COL6A5: variants seen among roughly 807,000 people sequenced by gnomAD.
COL6A5 encodes the protein collagen type VI alpha 5 chain.
In COL6A5, 48 loss-of-function variants were observed where a neutral mutation model predicts 65.6. The observed-to-expected ratio is 0.73, with a 90% CI of 0.58 to 0.93. COL6A5 has a LOEUF of 0.93. Ranked by LOEUF, COL6A5 falls within the 40% of genes least tolerant of loss-of-function variation. COL6A5 has a pLI of 0.00. For synonymous variants in COL6A5, 291 were observed against 322.8 expected (o/e 0.90, Z 1.05); for missense variants, 914 against 928.3 (o/e 0.98, Z 0.20).
At chr3:130,442,730 A>C (rs927134019) in intron 3 of COL6A5, among the ~76,000 whole-genome samples, 5 of 152,228 alleles carry the variant, frequency 3.3e-5, no homozygotes, top group Non-Finnish European at 5.9e-5. Flanking sequence ...AGTAAGTGTC[A>C]GATGCAATTA....
At chr3:130,386,156 A>G (rs1489149407) in intron 5 of COL6A5, among the ~76,000 whole-genome samples, 2 of 152,024 alleles carry the variant, frequency 1.3e-5, no homozygotes, top group Non-Finnish European at 2.9e-5. Context: ...GAAGCACATT[A>G]GTTTACTGGT....
chr3:130,379,429 A>T lies in COL6A5; in HGVS notation c.679A>T (p.Ile227Leu), dbSNP rs765940658. ...TTCTGTCTGCATAGTTCACTTCCCCATATCCTGTCAGAAAGATTCACTCGC... is the reference window on the plus strand; with the variant it reads ...TTCTGTCTGCATAGTTCACTTCCCCTTATCCTGTCAGAAAGATTCACTCGC... Residue 227 changes from isoleucine (I) to leucine (L), a missense_variant and NMD_transcript_variant, in exon 4 of 42, where the codon ATA (isoleucine) becomes TTA (leucine). Coordinates refer to the COL6A5 transcript ENST00000312481. 6.4e-6 allele frequency: 10 copies of T among 1,550,920 alleles called. No individual in the cohort carries two copies. In the South Asian group the frequency reaches 1.1e-4, roughly 17 times the overall value.
chr3:130,384,854 A>G (rs1184002252), exon 5 of COL6A5: 1 of 1,550,574 alleles, frequency 6.4e-7, no homozygotes, highest in Non-Finnish European at 8.7e-7. Context: ...TGATGGCTCA[A>G]GCAGCATCCA....
At chr3:130,437,686 G>A (rs1173075123) in intron 1 of COL6A5, among the ~76,000 whole-genome samples, 2 of 151,974 alleles carry the variant, frequency 1.3e-5, no homozygotes, top group African/African-American at 4.8e-5. Context: ...CAGACACGCT[G>A]TCTTCCCTGC....
chr3:130,376,739 G>A, exon 3 of COL6A5: 1 of 1,613,680 alleles, frequency 6.2e-7, no homozygotes, highest in African/African-American at 1.3e-5. Context: ...TCAACCTTCG[G>A]ACAATCAGAG....
intron 17 of COL6A5, among the ~76,000 whole-genome samples, chr3:130,408,241 C>T (rs1424751796): frequency 2.0e-5 from 3 of 149,574 alleles, no homozygotes; most frequent in African/African-American, 7.4e-5. Flanking sequence ...CAAGGAATCA[C>T]CCTGGGAAAA....
At chr3:130,456,004 T>C (rs566529403) in intron 5 of COL6A5, among the ~76,000 whole-genome samples, 6 of 152,124 alleles carry the variant, frequency 3.9e-5, no homozygotes, top group East Asian at 1.9e-4. Flanking sequence ...GACTTTTTTT[T>C]GGGGGGAGGA....
At chr3:130,346,958 A>G (rs1454994076) in intron 1 of COL6A5, among the ~76,000 whole-genome samples, 1 of 152,212 alleles carries the variant, frequency 6.6e-6, no homozygotes, top group Non-Finnish European at 1.5e-5. Flanking sequence ...GAATCCTGAG[A>G]TTTCATATGA....
intron 1 of COL6A5, among the ~76,000 whole-genome samples, chr3:130,346,469 C>T (rs1437487472): frequency 6.6e-6 from 1 of 152,170 alleles, no homozygotes; most frequent in East Asian, 1.9e-4. Flanking sequence ...GCATTAGATA[C>T]TGGGGTGTAT....
intron 5 of COL6A5, among the ~76,000 whole-genome samples, chr3:130,467,736 T>A (rs892251012): frequency 6.6e-6 from 1 of 152,072 alleles, no homozygotes; most frequent in Non-Finnish European, 1.5e-5. Flanking sequence ...TATATTAGGC[T>A]TACAGCATTA....
chr3:130,379,247 T>C (rs1298181647), intron 3 of COL6A5, among the ~76,000 whole-genome samples, 171 bp from the exon 4 acceptor site: 2 of 152,218 alleles, frequency 1.3e-5, no homozygotes, highest in East Asian at 3.9e-4. Flanking sequence ...TCAACGACCT[T>C]GTAAGTCTTG....
At chr3:130,471,908 A>G (rs1709962644) in intron 7 of COL6A5, 1 of 1,534,618 alleles carries the variant, frequency 6.5e-7, no homozygotes. Context: ...AGTGGTTGAT[A>G]AACAGCAAGA....
At chr3:130,397,005 G>A (rs1040787263) in intron 8 of COL6A5, among the ~76,000 whole-genome samples, 1 of 152,138 alleles carries the variant, frequency 6.6e-6, no homozygotes, top group African/African-American at 2.4e-5. Context: ...TGGGACTACA[G>A]GCGCCCGCCA....
At chr3:130,472,698 T>G (rs1709983183) in intron 7 of COL6A5, among the ~76,000 whole-genome samples, 1 of 151,716 alleles carries the variant, frequency 6.6e-6, no homozygotes, top group Non-Finnish European at 1.5e-5. Context: ...AAGCACTATT[T>G]GTGTTGCCCC....
At chr3:130,448,608 C>T (rs146735642) in intron 4 of COL6A5, among the ~76,000 whole-genome samples, 1,627 of 152,168 alleles carry the variant, frequency 0.011, 31 homozygotes, top group African/African-American at 0.037. Context: ...TGTAACACAG[C>T]GGCTCAAAAT....
chr3:130,375,304 C>G (rs1218805593), intron 2 of COL6A5, among the ~76,000 whole-genome samples: 1 of 152,152 alleles, frequency 6.6e-6, no homozygotes. Flanking sequence ...TGGTCTGCAG[C>G]CAATGACTGA....
chr3:130,481,185 AT>A (rs1172583971), intron 7 of COL6A5, among the ~76,000 whole-genome samples: 6 of 151,694 alleles, frequency 4.0e-5, no homozygotes, highest in Admixed American at 3.9e-4. Context: ...TCCTAATGCT[AT>A]CACTCCCTTT....
intron 5 of COL6A5, among the ~76,000 whole-genome samples, chr3:130,458,104 T>C (rs748971033): frequency 2.6e-5 from 4 of 152,094 alleles, no homozygotes; most frequent in Non-Finnish European, 4.4e-5. Context: ...GCACAATCAT[T>C]GACTATCTTC....
At chr3:130,399,538 T>A (rs866935895) in intron 10 of COL6A5, among the ~76,000 whole-genome samples, 1 of 150,432 alleles carries the variant, frequency 6.6e-6, no homozygotes, top group African/African-American at 2.4e-5. Context: ...GCTTGGCTAA[T>A]TTTTTTTTAT....
Sources: allele counts gnomAD v4.1 joint callset (sites outside exome capture counted in the v4.1 genomes callset), GRCh38; gene constraint gnomAD v4.1.1; transcripts MANE v1.5; gene names NCBI Gene and HGNC (gene_info 2026-07-23, HGNC 2026-07-21).